The following PPP4R3B variants were observed in gnomAD, a reference collection of about 807,000 sequenced individuals.
The protein encoded by PPP4R3B is serine/threonine-protein phosphatase 4 regulatory subunit 3B.
PPP4R3B carries 52 observed loss-of-function variants against 95.4 expected under a neutral mutation model. That is an observed-to-expected ratio of 0.54 (90% CI 0.44 to 0.69). The LOEUF (loss-of-function observed/expected upper bound fraction) is 0.69. PPP4R3B is among the 30% of genes least tolerant of loss of function. The pLI is 0.00. For synonymous variants in PPP4R3B, 407 were observed against 343.9 expected (o/e 1.18, Z -2.03); for missense variants, 1,003 against 1,005.9 (o/e 1.00, Z 0.04).
chr2:55,577,415 C>G (rs969999475), intron 10 of PPP4R3B, 59 bp from the exon 11 acceptor site: 1 of 1,344,484 alleles, frequency 7.4e-7, no homozygotes, highest in Admixed American at 3.3e-5. Flanking sequence ...CCAGATTTCC[C>G]TAGTACTTTA....
chr2:55,577,107 C>G (rs1200577713), intron 11 of PPP4R3B, among the ~76,000 whole-genome samples: 3 of 152,132 alleles, frequency 2.0e-5, no homozygotes, highest in Non-Finnish European at 2.9e-5. Flanking sequence ...AGAAAACAAG[C>G]TATAAATTTT....
At chr2:55,584,938 A>T (rs1689941185) in intron 7 of PPP4R3B, 113 bp downstream of exon 7, 2 of 836,546 alleles carry the variant, frequency 2.4e-6, no homozygotes, top group African/African-American at 3.6e-5. Flanking sequence ...TCAGAAATCT[A>T]TTATTTTGCT....
intron 4 of PPP4R3B, among the ~76,000 whole-genome samples, chr2:55,597,470 A>G (rs1691956728): frequency 6.6e-6 from 1 of 152,118 alleles, no homozygotes; most frequent in Non-Finnish European, 1.5e-5. Context: ...AAAACACAAA[A>G]AATTAGCTGG....
chr2:55,610,875 T>TTG (rs1553485041), intron 2 of PPP4R3B, among the ~76,000 whole-genome samples: 1 of 151,454 alleles, frequency 6.6e-6, no homozygotes, highest in Non-Finnish European at 1.5e-5. Context: ...TCTGGTTTTT[T>TTG]TTTTTTTTTT....
Position 55,617,580 on chromosome 2 carries a change from AGAT to A in PPP4R3B, c.-298_-296del. 1 of 310,058 alleles carries A rather than the reference AGAT, an allele frequency of 3.2e-6. No homozygotes were observed. Among genetic ancestry groups the A allele is most frequent in the Admixed American group, 4.7e-5 (1 of 21,298 alleles). 19.2% of individuals were successfully genotyped at this position (310,058 alleles called of 1,614,324 possible). ...CTCCCGCCGCCGCGGTAACTACTAC[AGAT>A]CCGCCATCTTGTAACCCGACTCTCT... On this transcript the variant is annotated 5_prime_UTR_variant, in exon 1 of 17. Transcript: ENST00000616407.
chr2:55,595,225 T>C (rs1342648968), intron 4 of PPP4R3B, among the ~76,000 whole-genome samples: 1 of 151,958 alleles, frequency 6.6e-6, no homozygotes, highest in Middle Eastern at 3.2e-3. Flanking sequence ...AGTTTCGCCA[T>C]GTTGGTCAGG....
At chr2:55,571,042 G>A (rs1021494541) in intron 12 of PPP4R3B, among the ~76,000 whole-genome samples, 1 of 152,126 alleles carries the variant, frequency 6.6e-6, no homozygotes, top group African/African-American at 2.4e-5. Flanking sequence ...TGGGTGCAGC[G>A]GTTCACACCT....
intron 8 of PPP4R3B, among the ~76,000 whole-genome samples, 200 bp from the exon 9 acceptor site, chr2:55,579,981 T>C (rs1007888167): frequency 6.6e-6 from 1 of 152,138 alleles, no homozygotes; most frequent in African/African-American, 2.4e-5. Context: ...AAAAACTAAC[T>C]ATATTCACTT....
At chr2:55,590,907 C>A (rs2104370055) in intron 4 of PPP4R3B, among the ~76,000 whole-genome samples, 1 of 152,244 alleles carries the variant, frequency 6.6e-6, no homozygotes, top group African/African-American at 2.4e-5. Context: ...GAGAGTATAA[C>A]ATGCTCTTCT....
chr2:55,608,424 T>C (rs1339142374), intron 2 of PPP4R3B, among the ~76,000 whole-genome samples: 1 of 152,224 alleles, frequency 6.6e-6, no homozygotes, highest in Non-Finnish European at 1.5e-5. Flanking sequence ...CAGTCAACGG[T>C]TACTGATCTT....
chr2:55,557,274 C>T (rs775843624), intron 16 of PPP4R3B, among the ~76,000 whole-genome samples: 53 of 152,300 alleles, frequency 3.5e-4, no homozygotes, highest in Non-Finnish European at 5.4e-4. Context: ...CTCACTGAAG[C>T]CTCCACCTCT....
At chr2:55,599,392 C>T (rs548103051) in intron 3 of PPP4R3B, among the ~76,000 whole-genome samples, 7 of 151,936 alleles carry the variant, frequency 4.6e-5, no homozygotes, top group South Asian at 2.1e-4. Flanking sequence ...GAGCTGAGAT[C>T]GCACCACTGC....
At chr2:55,615,387 G>C (rs1436597742) in intron 2 of PPP4R3B, 64 bp downstream of exon 2, 2 of 1,176,442 alleles carry the variant, frequency 1.7e-6, no homozygotes, top group Non-Finnish European at 1.2e-6. Context: ...TCCCACCTTT[G>C]TCAGATTAAT....
chr2:55,578,244 T>C lies in PPP4R3B; in HGVS notation c.1564+3A>G, dbSNP rs1688955649. ...GGAGTGATACACTCCAAATTCAGCA[T>C]ACCTTGAGAGATGGAGGAAGAGGGG... On this transcript the variant is annotated splice_donor_region_variant and intron_variant, in intron 10 of 16. Coordinates refer to ENST00000616407, the MANE Select transcript of PPP4R3B (RefSeq NM_001122964.3). The C allele has an allele frequency of 4.2e-6, 6 of 1,432,404 alleles. No homozygotes were observed. Among genetic ancestry groups the C allele is most frequent in the Non-Finnish European group, 4.6e-6 (5 of 1,089,064 alleles). The allele number at this position is 1,432,404 out of a possible 1,614,324, so 88.7% of individuals were successfully genotyped here.
chr2:55,609,004 A>G (rs889533539), intron 2 of PPP4R3B, among the ~76,000 whole-genome samples: 5 of 152,088 alleles, frequency 3.3e-5, no homozygotes, highest in Non-Finnish European at 7.4e-5. Context: ...AAAAAATTCC[A>G]AACGAAAAGA....
At position 55,581,660 on chromosome 2, in the gene PPP4R3B, G is replaced by A. The variant is rs750582857; in HGVS notation, c.1272C>T (p.Ile424=). The A allele has an allele frequency of 1.2e-6, 2 of 1,613,438 alleles. No homozygotes were observed. The highest frequency in any genetic ancestry group is 2.2e-5 in the East Asian group (1 of 44,806). The stretch of plus-strand genomic sequence containing the variant: ...CTCCTAGCTCAGGATCAGTATCACA[G>A]ATCATTTGTTCAATTACCACATTAA... ...LLINVVIEQM[I]CDTDPELGGA... is the part of the protein sequence containing the mutation. The change falls in exon 8 of 17, where the codon ATC becomes ATT. Residue 424 remains isoleucine (I), a synonymous_variant. Coordinates refer to ENST00000616407, the MANE Select transcript of PPP4R3B (RefSeq NM_001122964.3).
chr2:55,607,244 C>T (rs1326250933), intron 2 of PPP4R3B, among the ~76,000 whole-genome samples: 1 of 152,200 alleles, frequency 6.6e-6, no homozygotes, highest in Non-Finnish European at 1.5e-5. Flanking sequence ...CCATATTAGA[C>T]ACCAGGTGGG....
intron 2 of PPP4R3B, chr2:55,614,952 G>C (rs1045546260): frequency 5.9e-5 from 9 of 152,004 alleles, no homozygotes; most frequent in African/African-American, 2.2e-4. Context: ...TTACATACTT[G>C]GTAATGTACA....
In PPP4R3B at chr2:55,549,652, A is replaced by C. The variant is rs1485789775; in HGVS notation, c.*259T>G. ...AAACCTGTGACTTTTCCTTGCTGAG[A>C]AGCTGTCTCCCAGGTTCTGGTTACT... On this transcript the variant is annotated 3_prime_UTR_variant, in exon 17 of 17. Transcript: ENST00000616407. The C allele has an allele frequency of 4.9e-6, 2 of 410,720 alleles. No homozygotes were observed. The highest frequency in any genetic ancestry group is 4.2e-5 in the Admixed American group (1 of 23,628). 25.4% of individuals were successfully genotyped at this position (410,720 alleles called of 1,614,324 possible). A position where few individuals can be genotyped will look rare whatever the true frequency, so the allele number is the denominator to read the frequency against.
Sources: allele counts gnomAD v4.1 joint callset (sites outside exome capture counted in the v4.1 genomes callset), GRCh38; gene constraint gnomAD v4.1.1; transcripts MANE v1.5; gene names NCBI Gene and HGNC (gene_info 2026-07-23, HGNC 2026-07-21).